The following SUCLG2 variants were observed in gnomAD, a reference collection of about 807,000 sequenced individuals.
The protein encoded by SUCLG2 is succinate-CoA ligase GDP-forming subunit beta.
SUCLG2 carries 42 observed loss-of-function variants against 47.9 expected under a neutral mutation model. That is an observed-to-expected ratio of 0.88 (90% confidence interval 0.69 to 1.14). The LOEUF (loss-of-function observed/expected upper bound fraction) is 1.14. Among genes scored for constraint, SUCLG2 ranks in the 50% most tolerant of loss-of-function variants. SUCLG2 has a pLI of 0.00. For synonymous variants in SUCLG2, 195 were observed against 197.3 expected (o/e 0.99, Z 0.10); for missense variants, 571 against 525.9 (o/e 1.09, Z -0.84).
At chr3:67,481,830 G>T (rs548035271) in intron 9 of SUCLG2, among the ~76,000 whole-genome samples, 1 of 152,300 alleles carries the variant, frequency 6.6e-6, no homozygotes, top group South Asian at 2.1e-4. Context: ...TCAAATATCG[G>T]ATGGTTTCCT....
At chr3:67,565,116 A>G (rs1459946618) in intron 2 of SUCLG2, among the ~76,000 whole-genome samples, 3 of 152,204 alleles carry the variant, frequency 2.0e-5, no homozygotes, top group Non-Finnish European at 4.4e-5. Context: ...AGGGAAACAC[A>G]TTAAATATGT....
chr3:67,576,688 T>C lies in SUCLG2; in HGVS notation c.226+32767A>G, dbSNP rs868628663. Among the ~76,000 whole-genome samples, 5 of 152,284 alleles carry C rather than the reference T, an allele frequency of 3.3e-5. No homozygotes were observed. In the East Asian group the frequency reaches 5.8e-4, roughly 18 times the overall value. On this transcript the variant is annotated intron_variant, in intron 2 of 10. Transcript: ENST00000307227. ...TCGAAGAAACTTACTGAGTGCCACA[T>C]TTTTCCCAACTGTTGATTTTTGTGA...
chr3:67,499,134 T>A (rs1484656389), intron 7 of SUCLG2, among the ~76,000 whole-genome samples: 1 of 152,208 alleles, frequency 6.6e-6, no homozygotes, highest in African/African-American at 2.4e-5. Context: ...CACAGTGAAA[T>A]AATTAAACAC....
chr3:67,361,064 T>C (rs985312095), intron 10 of SUCLG2, among the ~76,000 whole-genome samples: 1 of 152,062 alleles, frequency 6.6e-6, no homozygotes, highest in Non-Finnish European at 1.5e-5. Context: ...ATGCACAAAA[T>C]TTTCTTATAA....
rs191416797 is a variant in SUCLG2, at chr3:67,381,838, T to C, written c.1184-5979A>G. Among the ~76,000 whole-genome samples, 628 of 152,268 alleles carry C rather than the reference T, an allele frequency of 4.1e-3. 3 individuals are homozygous for C. Among genetic ancestry groups the C allele is most frequent in the Middle Eastern group, 6.8e-3 (2 of 294 alleles). On this transcript the variant is annotated intron_variant, in intron 10 of 10. Transcript: ENST00000307227. ...AAATGTTAAAAATTCGTGACCTCCTTGGCATGTTACCAGTGACTTTCTGCC... is the reference window on the plus strand; with the variant it reads ...AAATGTTAAAAATTCGTGACCTCCTCGGCATGTTACCAGTGACTTTCTGCC...
intron 10 of SUCLG2, chr3:67,376,200 C>T (rs1376323381): frequency 3.7e-5 from 36 of 985,248 alleles, no homozygotes; most frequent in Non-Finnish European, 4.3e-5. Flanking sequence ...TCTCAGACGT[C>T]ATCAGGGGTT....
intron 2 of SUCLG2, among the ~76,000 whole-genome samples, chr3:67,607,585 G>A (rs1198386986): frequency 6.6e-6 from 1 of 152,100 alleles, no homozygotes; most frequent in East Asian, 1.9e-4. Flanking sequence ...AGCAGGACCT[G>A]ATCCCTAATA....
intron 7 of SUCLG2, among the ~76,000 whole-genome samples, chr3:67,508,111 C>T (rs1395497492): frequency 6.6e-6 from 1 of 152,170 alleles, no homozygotes; most frequent in African/African-American, 2.4e-5. Flanking sequence ...GAAACCTTCA[C>T]CACAAAAATG....
At chr3:67,631,339 T>C (rs994061227) in intron 1 of SUCLG2, among the ~76,000 whole-genome samples, 1 of 151,944 alleles carries the variant, frequency 6.6e-6, no homozygotes, top group Non-Finnish European at 1.5e-5. Context: ...TATAAAGTAT[T>C]TACTATGGCC....
At chr3:67,402,658 G>C (rs1043542157) in intron 9 of SUCLG2, among the ~76,000 whole-genome samples, 6 of 152,202 alleles carry the variant, frequency 3.9e-5, no homozygotes, top group African/African-American at 1.4e-4. Flanking sequence ...ACTCCATGGG[G>C]TCCATGATAG....
chr3:67,386,024 G>A (rs1702249948), intron 10 of SUCLG2, among the ~76,000 whole-genome samples: 1 of 152,208 alleles, frequency 6.6e-6, no homozygotes, highest in Non-Finnish European at 1.5e-5. Flanking sequence ...ACACAAAGGA[G>A]TGAGAAAGTC....
At chr3:67,601,800 G>A (rs1192463590) in intron 2 of SUCLG2, among the ~76,000 whole-genome samples, 1 of 152,016 alleles carries the variant, frequency 6.6e-6, no homozygotes, top group Non-Finnish European at 1.5e-5. Context: ...TGGCCAACAT[G>A]GCGAAACCCC....
At chr3:67,599,764 G>T (rs1021160332) in intron 2 of SUCLG2, among the ~76,000 whole-genome samples, 4 of 150,350 alleles carry the variant, frequency 2.7e-5, no homozygotes, top group African/African-American at 9.8e-5. Flanking sequence ...TTTAATTTGA[G>T]AGAAATAGAC....
At chr3:67,470,262 T>C (rs1158285368) in intron 9 of SUCLG2, among the ~76,000 whole-genome samples, 3 of 152,210 alleles carry the variant, frequency 2.0e-5, no homozygotes, top group Non-Finnish European at 4.4e-5. Flanking sequence ...CATGTGGTAT[T>C]CTCAGGCCCA....
chr3:67,492,222 T>C (rs1193167742), intron 9 of SUCLG2, among the ~76,000 whole-genome samples: 1 of 152,226 alleles, frequency 6.6e-6, no homozygotes, highest in Non-Finnish European at 1.5e-5. Flanking sequence ...TTTGCTTATC[T>C]TTGGCCAACA....
At chr3:67,590,499 G>T (rs1445548342) in intron 2 of SUCLG2, among the ~76,000 whole-genome samples, 2 of 152,126 alleles carry the variant, frequency 1.3e-5, no homozygotes, top group African/African-American at 2.4e-5. Flanking sequence ...AGACGTGAGT[G>T]AGTTCTCACT....
At chr3:67,494,696 A>C (rs1705286158) in intron 9 of SUCLG2, among the ~76,000 whole-genome samples, 1 of 152,218 alleles carries the variant, frequency 6.6e-6, no homozygotes, top group South Asian at 2.1e-4. Context: ...CGTACTTCAC[A>C]GGCCTGTTAA....
chr3:67,628,343 T>C (rs1700870566), intron 1 of SUCLG2, among the ~76,000 whole-genome samples: 2 of 152,228 alleles, frequency 1.3e-5, no homozygotes, highest in Admixed American at 6.5e-5. Flanking sequence ...TATGAATGTA[T>C]AAGATGGTCA....
At chr3:67,554,796 A>C (rs1707112480) in intron 2 of SUCLG2, among the ~76,000 whole-genome samples, 1 of 152,118 alleles carries the variant, frequency 6.6e-6, no homozygotes, top group Non-Finnish European at 1.5e-5. Flanking sequence ...TAATAAAATC[A>C]CACGCCCACA....
Sources: gnomAD v4.1 joint callset for allele counts (sites outside exome capture counted in the v4.1 genomes callset) on GRCh38, gnomAD v4.1.1 for gene constraint, MANE v1.5 for transcripts, NCBI Gene and HGNC (gene_info 2026-07-23, HGNC 2026-07-21) for gene names.